The following UGT1A6 variants were observed in gnomAD, a reference collection of about 807,000 sequenced individuals.
The protein encoded by UGT1A6 is UDP glucuronosyltransferase family 1 member A6, also known as UDP-glucuronosyltransferase 1A6.
Under a neutral mutation model 44.4 loss-of-function variants are expected in UGT1A6, and 32 were observed. The ratio of observed to expected loss-of-function variants is 0.72; its 90% CI spans 0.54 to 0.97. UGT1A6 has a LOEUF of 0.97. Among genes scored for constraint, UGT1A6 ranks in the 50% least tolerant of loss-of-function variants. The pLI is 0.00. For synonymous variants in UGT1A6, 238 were observed against 248.5 expected (o/e 0.96, Z 0.40); for missense variants, 685 against 661.9 (o/e 1.03, Z -0.38).
intron 1 of UGT1A6, among the ~76,000 whole-genome samples, chr2:233,746,573 G>A (rs1403247476): frequency 6.6e-6 from 1 of 151,756 alleles, no homozygotes; most frequent in Admixed American, 6.5e-5. Flanking sequence ...ACCACACCCT[G>A]TAATTGCCTA....
intron 1 of UGT1A6, among the ~76,000 whole-genome samples, chr2:233,709,128 A>C (rs2125614330): frequency 6.6e-6 from 1 of 152,218 alleles, no homozygotes; most frequent in East Asian, 1.9e-4. Context: ...CATGGTGGCC[A>C]AGGGGATGAG....
chr2:233,760,978 G>A, intron 1 of UGT1A6: 1 of 1,614,208 alleles, frequency 6.2e-7, no homozygotes, highest in Non-Finnish European at 8.5e-7. Flanking sequence ...TTCCCCGTAT[G>A]CAACCCTTGC....
At chr2:233,763,355 T>C (rs1340050072) in intron 1 of UGT1A6, among the ~76,000 whole-genome samples, 1 of 152,264 alleles carries the variant, frequency 6.6e-6, no homozygotes, top group Non-Finnish European at 1.5e-5. Context: ...ACATCTTTAG[T>C]ACTCCTTTGT....
intron 1 of UGT1A6, among the ~76,000 whole-genome samples, chr2:233,757,752 A>G (rs979747575): frequency 2.0e-5 from 3 of 151,642 alleles, no homozygotes; most frequent in African/African-American, 7.3e-5. Flanking sequence ...GGACATGTTT[A>G]TGTTGCTCCT....
intron 1 of UGT1A6, chr2:233,718,997 G>T (rs2076712017): frequency 6.2e-7 from 1 of 1,614,222 alleles, no homozygotes; most frequent in Non-Finnish European, 8.5e-7. Flanking sequence ...ACCAGGCGGT[G>T]GTCCTCACCC....
chr2:233,732,988 A>G (rs1229388151), intron 1 of UGT1A6, among the ~76,000 whole-genome samples: 2 of 152,034 alleles, frequency 1.3e-5, no homozygotes, highest in Non-Finnish European at 2.9e-5. Flanking sequence ...TATTTCGTTG[A>G]GCAGTGGTTT....
intron 1 of UGT1A6, among the ~76,000 whole-genome samples, chr2:233,726,904 T>A (rs554663359): frequency 7.2e-5 from 11 of 152,324 alleles, no homozygotes; most frequent in South Asian, 4.1e-4. Flanking sequence ...CATTCAATTA[T>A]CTCCTTTTTT....
At chr2:233,755,074 C>A in intron 1 of UGT1A6, 1 of 1,336,598 alleles carries the variant, frequency 7.5e-7, no homozygotes, top group Non-Finnish European at 1.0e-6. Flanking sequence ...CCATAGCGGT[C>A]ATAGATATCG....
chr2:233,735,799 G>A (rs61296714), intron 1 of UGT1A6, among the ~76,000 whole-genome samples: 5,119 of 152,182 alleles, frequency 0.034, 99 homozygotes, highest in African/African-American at 0.051. Context: ...GAATTTCTGG[G>A]TTGAAAATTC....
At chr2:233,712,193 C>T (rs144263331) in intron 1 of UGT1A6, among the ~76,000 whole-genome samples, 3 of 152,338 alleles carry the variant, frequency 2.0e-5, no homozygotes, top group Admixed American at 6.5e-5. Context: ...CCAGCTCCCC[C>T]GGTCCCTTGG....
chr2:233,727,660 A>G (rs1325777939), intron 1 of UGT1A6, among the ~76,000 whole-genome samples: 2 of 152,150 alleles, frequency 1.3e-5, no homozygotes, highest in Admixed American at 6.5e-5. Context: ...CTAGTGCTCT[A>G]TGTCCTTACA....
chr2:233,761,973 C>T (rs557947533), intron 1 of UGT1A6, among the ~76,000 whole-genome samples: 2 of 152,314 alleles, frequency 1.3e-5, no homozygotes, highest in East Asian at 3.9e-4. Flanking sequence ...ACTGATATCA[C>T]CTTCGGAGGT....
At chr2:233,743,389 C>G (rs1429272187) in intron 1 of UGT1A6, 2 of 1,242,542 alleles carry the variant, frequency 1.6e-6, no homozygotes, top group Non-Finnish European at 2.1e-6. Context: ...GTAGGACATG[C>G]AGAAGGAAGA....
intron 1 of UGT1A6, among the ~76,000 whole-genome samples, chr2:233,722,827 A>G (rs908422971): frequency 6.7e-6 from 1 of 149,568 alleles, no homozygotes; most frequent in East Asian, 1.9e-4. Context: ...GTTATTTTGT[A>G]TTATAATAAG....
At position 233,693,511 on chromosome 2, in the gene UGT1A6, C is replaced by T. The variant is rs144317442; in HGVS notation, c.507C>T (p.Tyr169=). Residue 169 remains tyrosine, a synonymous_variant, in exon 1 of 5, where the codon TAC becomes TAT. Transcript: ENST00000305139. ...AGTATTTGGGCCTACCATCTGTGTA[C>T]CTCTTCAGGGGTTTTCCGTGTTCCC... is the stretch of plus-strand genomic sequence containing the variant. ...LAEYLGLPSV[Y]LFRGFPCSLE... The T allele has an allele frequency of 1.7e-3, 2,823 of 1,614,136 alleles. 9 individuals are homozygous for T. The highest frequency in any genetic ancestry group is 5.6e-3 in the Admixed American group (334 of 60,012).
intron 1 of UGT1A6, among the ~76,000 whole-genome samples, chr2:233,757,931 A>G (rs552433381): frequency 6.6e-6 from 1 of 152,244 alleles, no homozygotes; most frequent in East Asian, 1.9e-4. Flanking sequence ...CCCCCAAAGC[A>G]AGACCATCAT....
At chr2:233,740,026 G>A (rs1244657367) in intron 1 of UGT1A6, among the ~76,000 whole-genome samples, 1 of 151,782 alleles carries the variant, frequency 6.6e-6, no homozygotes, top group Non-Finnish European at 1.5e-5. Flanking sequence ...GAGAGCTGAT[G>A]GTTTTATAAG....
intron 1 of UGT1A6, chr2:233,747,121 A>G (rs1359670371): frequency 1.4e-6 from 2 of 1,477,058 alleles, no homozygotes; most frequent in African/African-American, 2.8e-5. Flanking sequence ...TGATTTGCTA[A>G]GTGGCTCAGT....
chr2:233,699,672 C>T (rs1248464548), intron 1 of UGT1A6, among the ~76,000 whole-genome samples: 3 of 152,188 alleles, frequency 2.0e-5, no homozygotes, highest in Non-Finnish European at 4.4e-5. Context: ...GAAACTTTCT[C>T]GCTGAGAGGT....
Sources: gnomAD v4.1 joint callset for allele counts (sites outside exome capture counted in the v4.1 genomes callset) on GRCh38, gnomAD v4.1.1 for gene constraint, MANE v1.5 for transcripts, NCBI Gene and HGNC (gene_info 2026-07-23, HGNC 2026-07-21) for gene names.